The following NRXN1 variants were observed in gnomAD, a reference collection of about 807,000 sequenced individuals.
The protein encoded by NRXN1 is neurexin-1.
In NRXN1, 39 loss-of-function variants were observed where a neutral mutation model predicts 150.9. That is an observed-to-expected ratio of 0.26 (90% CI 0.20 to 0.34). NRXN1 has a LOEUF of 0.34. Among genes scored for constraint, NRXN1 ranks in the 10% least tolerant of loss-of-function variants. The pLI, the probability that NRXN1 is intolerant of heterozygous loss-of-function variation, is 1.00. For synonymous variants in NRXN1, 924 were observed against 757.0 expected (o/e 1.22, Z -3.62); for missense variants, 1,815 against 1,949.9 (o/e 0.93, Z 1.30).
chr2:50,335,262 T>G (rs2077105198), intron 17 of NRXN1, among the ~76,000 whole-genome samples: 1 of 152,222 alleles, frequency 6.6e-6, no homozygotes, highest in South Asian at 2.1e-4. Context: ...TTTGACTTGG[T>G]ATTTTGAAAT....
At chr2:50,226,177 A>T (rs926424535) in intron 18 of NRXN1, among the ~76,000 whole-genome samples, 4 of 151,980 alleles carry the variant, frequency 2.6e-5, no homozygotes, top group African/African-American at 9.7e-5. Flanking sequence ...ACCTGAGTAT[A>T]TATTTTTTCC....
chr2:50,184,456 C>A (rs2060936536), intron 18 of NRXN1, among the ~76,000 whole-genome samples: 1 of 151,820 alleles, frequency 6.6e-6, no homozygotes, highest in Non-Finnish European at 1.5e-5. Context: ...TACTATTTAA[C>A]CCATGAAAAA....
At chr2:50,578,443 T>C (rs1671761635) in intron 8 of NRXN1, among the ~76,000 whole-genome samples, 1 of 152,178 alleles carries the variant, frequency 6.6e-6, no homozygotes, top group Non-Finnish European at 1.5e-5. Context: ...TCATATAGAA[T>C]TGTAATAAAT....
chr2:50,995,721 G>A (rs1233174641), intron 2 of NRXN1, among the ~76,000 whole-genome samples: 1 of 151,878 alleles, frequency 6.6e-6, no homozygotes, highest in Non-Finnish European at 1.5e-5. Flanking sequence ...CCATCTAGTA[G>A]TTTCTCTTTC....
At chr2:50,370,437 G>A (rs191021630) in intron 17 of NRXN1, among the ~76,000 whole-genome samples, 14 of 152,050 alleles carry the variant, frequency 9.2e-5, no homozygotes, top group South Asian at 4.2e-4. Context: ...CACAGAACAG[G>A]TGCTCGTAAA....
intron 17 of NRXN1, among the ~76,000 whole-genome samples, chr2:50,247,460 T>C (rs1439133302): frequency 6.6e-6 from 1 of 152,156 alleles, no homozygotes; most frequent in Non-Finnish European, 1.5e-5. Context: ...TCACCAGTAA[T>C]GAGACATATC....
chr2:50,838,738 C>A lies in NRXN1; in HGVS notation c.832+83131G>T, dbSNP rs544500821. On this transcript the variant is annotated intron_variant, in intron 5 of 22. Transcript: ENST00000401669. ...AACACCAAGGACCACCAGGGAAAAC[C>A]AGAAGTTAAAAGAAGCAGAGAATAA... is the stretch of plus-strand genomic sequence containing the variant. Among the ~76,000 whole-genome samples the A allele has an allele frequency of 1.8e-3, 267 of 152,128 alleles. 1 individual carries two copies. Among genetic ancestry groups the A allele is most frequent in the African/African-American group, 6.2e-3 (259 of 41,532 alleles).
intron 17 of NRXN1, among the ~76,000 whole-genome samples, chr2:50,323,858 A>G (rs756770329): frequency 3.9e-5 from 6 of 152,202 alleles, no homozygotes; most frequent in Non-Finnish European, 4.4e-5. Flanking sequence ...CATTTTAACA[A>G]AAGTGGATCA....
chr2:50,853,980 T>C (rs1674900608), intron 5 of NRXN1, among the ~76,000 whole-genome samples: 1 of 152,084 alleles, frequency 6.6e-6, no homozygotes, highest in African/African-American at 2.4e-5. Flanking sequence ...AATAATGCTT[T>C]TAATGAAATT....
chr2:50,403,140 C>T (rs748242096), intron 17 of NRXN1, among the ~76,000 whole-genome samples: 24 of 152,080 alleles, frequency 1.6e-4, no homozygotes, highest in Non-Finnish European at 3.2e-4. Flanking sequence ...CAAGGACTTA[C>T]TTGGGTACCT....
chr2:50,746,212 C>T (rs1340488251), intron 5 of NRXN1, among the ~76,000 whole-genome samples: 2 of 151,992 alleles, frequency 1.3e-5, no homozygotes, highest in Non-Finnish European at 2.9e-5. Context: ...AAGGAGGCTT[C>T]CAAGAGCTCA....
intron 17 of NRXN1, among the ~76,000 whole-genome samples, chr2:50,402,330 C>T (rs544181956): frequency 1.3e-5 from 2 of 151,874 alleles, no homozygotes; most frequent in East Asian, 1.9e-4. Flanking sequence ...GCTACATCAG[C>T]TATAATTTTT....
Position 50,200,288 on chromosome 2 carries a change from C to T in NRXN1, c.3546+36501G>A, listed in dbSNP as rs532424749. On this transcript the variant is annotated intron_variant, in intron 18 of 22. Transcript: ENST00000401669. ...TCTTAATCTTAGCTGTAATAACTACCTGCAAACTTAGTATCATCTCTGCTG... is the reference window on the plus strand; with the variant it reads ...TCTTAATCTTAGCTGTAATAACTACTTGCAAACTTAGTATCATCTCTGCTG... Among the ~76,000 whole-genome samples the T allele has an allele frequency of 6.6e-5, 10 of 152,212 alleles. No individual in the cohort carries two copies. The South Asian group carries it at 2.1e-3, about 32-fold the overall frequency.
intron 5 of NRXN1, among the ~76,000 whole-genome samples, chr2:50,739,834 A>G (rs1460813458): frequency 6.6e-6 from 1 of 152,168 alleles, no homozygotes; most frequent in African/African-American, 2.4e-5. Flanking sequence ...TCAAAAGGAA[A>G]TATGTGGAGT....
chr2:49,954,844 T>G (rs1674648916), intron 21 of NRXN1, among the ~76,000 whole-genome samples: 1 of 152,184 alleles, frequency 6.6e-6, no homozygotes, highest in African/African-American at 2.4e-5. Context: ...ATGTTTTATT[T>G]TATTTCATAT....
chr2:50,148,264 T>C (rs182404884), intron 18 of NRXN1, among the ~76,000 whole-genome samples: 1 of 151,778 alleles, frequency 6.6e-6, no homozygotes, highest in East Asian at 1.9e-4. Context: ...CCACCATTTA[T>C]TGATTACATG....
intron 18 of NRXN1, among the ~76,000 whole-genome samples, chr2:50,228,901 A>T (rs1021058513): frequency 6.6e-6 from 1 of 151,908 alleles, no homozygotes; most frequent in African/African-American, 2.4e-5. Context: ...ACAGTTTTCC[A>T]GTTTGTTTTG....
intron 19 of NRXN1, among the ~76,000 whole-genome samples, chr2:50,065,343 G>A (rs1269719083): frequency 3.9e-5 from 6 of 152,066 alleles, no homozygotes; most frequent in East Asian, 3.9e-4. Context: ...AAGCTGACTC[G>A]AAAGTTGTTC....
At chr2:50,777,938 A>T (rs1402285641) in intron 5 of NRXN1, among the ~76,000 whole-genome samples, 1 of 152,194 alleles carries the variant, frequency 6.6e-6, no homozygotes, top group Non-Finnish European at 1.5e-5. Context: ...ATTTAATACA[A>T]ATATTAGATA....
Sources: gnomAD v4.1 joint callset for allele counts (sites outside exome capture counted in the v4.1 genomes callset) on GRCh38, gnomAD v4.1.1 for gene constraint, MANE v1.5 for transcripts, NCBI Gene and HGNC (gene_info 2026-07-23, HGNC 2026-07-21) for gene names.